Variants in CUL5 observed in about 807,000 individuals in gnomAD.
The protein encoded by CUL5 is cullin-5.
A neutral mutation model predicts 108.8 loss-of-function variants in CUL5; 26 were observed. The ratio of observed to expected loss-of-function variants is 0.24; its 90% CI spans 0.18 to 0.33. CUL5 has a LOEUF of 0.33. CUL5 is among the 10% of genes least tolerant of loss of function. The pLI, the probability that CUL5 is intolerant of heterozygous loss-of-function variation, is 1.00. For synonymous variants in CUL5, 334 were observed against 298.0 expected (o/e 1.12, Z -1.25); for missense variants, 524 against 909.2 (o/e 0.58, Z 5.45).
intron 16 of CUL5, among the ~76,000 whole-genome samples, chr11:108,096,473 G>A (rs987055862): frequency 4.0e-5 from 6 of 151,128 alleles, no homozygotes; most frequent in African/African-American, 9.7e-5. Flanking sequence ...GCAACATAGT[G>A]AGACCCATCT....
intron 7 of CUL5, among the ~76,000 whole-genome samples, chr11:108,065,217 G>C (rs1358497000): frequency 6.6e-6 from 1 of 151,922 alleles, no homozygotes; most frequent in Non-Finnish European, 1.5e-5. Flanking sequence ...AGTAGAGATG[G>C]GGTTTCACCA....
chr11:108,089,506 G>A lies in CUL5; in HGVS notation c.1326G>A (p.Lys442=). The change falls in exon 13 of 19, where the codon AAG becomes AAA. Residue 442 remains lysine, a synonymous_variant. Coordinates refer to ENST00000393094, the MANE Select transcript of CUL5 (RefSeq NM_003478.6). ...TTTTCATACAGCTCTTGGTACTTAAGTATGTACAGAACAAAGATGTTTTTA... is the reference window on the plus strand; with the variant it reads ...TTTTCATACAGCTCTTGGTACTTAAATATGTACAGAACAAAGATGTTTTTA... ...AKLKEVLLVL[K]YVQNKDVFMR... 1 of 1,552,870 alleles carries A rather than the reference G, an allele frequency of 6.4e-7. No homozygotes were observed. The highest frequency in any genetic ancestry group is 2.3e-5 in the East Asian group (1 of 42,870).
rs1488988606 is a variant in CUL5 at position 108,107,448 on chromosome 11, G to A, written c.*3064G>A. ...TTCTCATGTAAGTGACTGGGATGCT[G>A]TCTTATGAATTCTTCCAAGGTCATG... is the stretch of plus-strand genomic sequence containing the variant. On this transcript the variant is annotated 3_prime_UTR_variant, in exon 19 of 19. Transcript: ENST00000393094. 2 of 152,640 alleles carry A rather than the reference G, an allele frequency of 1.3e-5. No individual in the cohort carries two copies. Among genetic ancestry groups the A allele is most frequent in the East Asian group, 3.9e-4 (2 of 5,182 alleles). 9.5% of individuals were successfully genotyped at this position (152,640 alleles called of 1,614,324 possible).
In CUL5 at chr11:108,054,895, A is replaced by C; in HGVS notation, c.720A>C (p.Glu240Asp). ...YMKYADAKLK[E>D]EEKRALRYLE... ...GACAGGCAGATGCTAAATTAAAAGA[A>C]GAAGAAAAACGAGCACTACGTTATT... The change falls in exon 7 of 19, where the codon GAA becomes GAC. Residue 240 changes from glutamate (E) to aspartate (D), a missense_variant. This residue lies in a region of CUL5 where 170 missense variants were observed against 305.1 expected (regional missense o/e 0.56). Coordinates refer to ENST00000393094, the MANE Select transcript of CUL5 (RefSeq NM_003478.6). 1 of 1,609,038 alleles carries C rather than the reference A, an allele frequency of 6.2e-7. No individual in the cohort carries two copies. The highest frequency in any genetic ancestry group is 8.5e-7 in the Non-Finnish European group (1 of 1,178,836).
At chr11:108,048,049 T>C (rs2135123737) in intron 3 of CUL5, among the ~76,000 whole-genome samples, 1 of 151,838 alleles carries the variant, frequency 6.6e-6, no homozygotes, top group Non-Finnish European at 1.5e-5. Flanking sequence ...GAGCAGTTAA[T>C]AGGAGTAGCA....
At chr11:108,071,992 C>T (rs1353441412) in intron 8 of CUL5, among the ~76,000 whole-genome samples, 1 of 152,100 alleles carries the variant, frequency 6.6e-6, no homozygotes, top group Non-Finnish European at 1.5e-5. Context: ...GCTTGGGCAA[C>T]ATTGGGAGAC....
At chr11:108,054,500 G>A in intron 5 of CUL5, 147 bp from the exon 6 acceptor site, 2 of 539,458 alleles carry the variant, frequency 3.7e-6, no homozygotes, top group Middle Eastern at 5.1e-4. Flanking sequence ...GTTTCTTATG[G>A]AGAAGGATTT....
At chr11:108,009,853 G>A (rs1464113559) in intron 1 of CUL5, among the ~76,000 whole-genome samples, 2 of 152,096 alleles carry the variant, frequency 1.3e-5, no homozygotes, top group African/African-American at 4.8e-5. Context: ...CAGACCAGCA[G>A]TGCCTCCCAC....
intron 2 of CUL5, among the ~76,000 whole-genome samples, chr11:108,038,552 G>A (rs1862804814): frequency 2.6e-5 from 4 of 151,872 alleles, no homozygotes; most frequent in Admixed American, 2.6e-4. Context: ...GTGGGCCTCA[G>A]TAATTCCAGC....
chr11:108,023,570 G>T (rs1862379385), intron 1 of CUL5, among the ~76,000 whole-genome samples: 4 of 152,066 alleles, frequency 2.6e-5, no homozygotes, highest in African/African-American at 9.7e-5. Context: ...TATATCCTGG[G>T]ACCCTTCGGG....
intron 7 of CUL5, among the ~76,000 whole-genome samples, chr11:108,064,008 G>A (rs182004000): frequency 1.2e-4 from 18 of 152,222 alleles, no homozygotes; most frequent in African/African-American, 4.3e-4. Context: ...TTTCCAATTT[G>A]GATGCTCTTT....
chr11:108,060,828 C>CAA (rs879814275), intron 7 of CUL5, among the ~76,000 whole-genome samples: 29 of 143,938 alleles, frequency 2.0e-4, no homozygotes, highest in African/African-American at 6.8e-4. Flanking sequence ...GAAACTGTCT[C>CAA]AAAAAAAAAA....
At chr11:108,078,114 A>T (rs1192503044) in intron 10 of CUL5, 62 bp from the exon 11 acceptor site, 1 of 969,460 alleles carries the variant, frequency 1.0e-6, no homozygotes, top group Non-Finnish European at 1.5e-6. Context: ...TTTGGGATGT[A>T]TAAAAATTTA....
At chr11:108,082,194 A>C (rs942208962) in intron 11 of CUL5, among the ~76,000 whole-genome samples, 1 of 150,480 alleles carries the variant, frequency 6.6e-6, no homozygotes, top group Admixed American at 6.6e-5. Flanking sequence ...TGTAAATTGA[A>C]TTGCTCTTCC....
At chr11:108,080,901 T>G (rs1864062343) in intron 11 of CUL5, among the ~76,000 whole-genome samples, 1 of 152,084 alleles carries the variant, frequency 6.6e-6, no homozygotes, top group African/African-American at 2.4e-5. Context: ...TTTTTTTCTT[T>G]TGTTGCTTTT....
intron 5 of CUL5, 142 bp downstream of exon 5, chr11:108,052,943 C>T: frequency 1.7e-6 from 1 of 584,722 alleles, no homozygotes. Context: ...TGAGAGTAAG[C>T]AAATGATAAT....
At chr11:108,061,634 C>T (rs1863538716) in intron 7 of CUL5, among the ~76,000 whole-genome samples, 1 of 152,106 alleles carries the variant, frequency 6.6e-6, no homozygotes, top group Non-Finnish European at 1.5e-5. Context: ...TCCTTCCTCT[C>T]TATTTCCCTC....
intron 3 of CUL5, among the ~76,000 whole-genome samples, chr11:108,049,141 C>A (rs1017247814): frequency 2.0e-5 from 3 of 152,148 alleles, no homozygotes; most frequent in Non-Finnish European, 2.9e-5. Context: ...TGAACAGTCA[C>A]TCCCTTCTCC....
intron 4 of CUL5, among the ~76,000 whole-genome samples, chr11:108,050,838 A>G (rs1029677900): frequency 6.6e-5 from 10 of 152,052 alleles, no homozygotes; most frequent in Admixed American, 3.9e-4. Context: ...CTTATTTTCT[A>G]TTTAAAAATT....
Sources: allele counts gnomAD v4.1 joint callset (sites outside exome capture counted in the v4.1 genomes callset), GRCh38; gene constraint gnomAD v4.1.1; regional missense constraint gnomAD v4.1.1; transcripts MANE v1.5; gene names NCBI Gene and HGNC (gene_info 2026-07-23, HGNC 2026-07-21).